SLC24A2: variants seen among roughly 807,000 people sequenced by gnomAD.
The protein encoded by SLC24A2 is solute carrier family 24 member 2, also known as sodium/potassium/calcium exchanger 2.
In SLC24A2, 36 loss-of-function variants were observed where a neutral mutation model predicts 62.0. The observed-to-expected ratio is 0.58, with a 90% confidence interval of 0.44 to 0.77. The LOEUF (loss-of-function observed/expected upper bound fraction) is 0.77, where lower values mean the gene tolerates loss of function less well. Ranked by LOEUF, SLC24A2 falls within the 30% of genes least tolerant of loss-of-function variation. The pLI, the probability that SLC24A2 is intolerant of heterozygous loss-of-function variation, is 0.00. For synonymous variants in SLC24A2, 358 were observed against 294.0 expected (o/e 1.22, Z -2.23); for missense variants, 846 against 817.9 (o/e 1.03, Z -0.42).
chr9:20,281,381 G>T, the SLC24A2 span, among the ~76,000 whole-genome samples: 1 of 152,090 alleles, frequency 6.6e-6, no homozygotes, highest in African/African-American at 2.4e-5. Context: ...GATAGAGCTT[G>T]ATACATTTTC....
At chr9:19,517,046 A>G (rs1332511149) in intron 10 of SLC24A2, among the ~76,000 whole-genome samples, 10 of 152,190 alleles carry the variant, frequency 6.6e-5, no homozygotes, top group Non-Finnish European at 1.0e-4. Flanking sequence ...TCTTAAAAAA[A>G]ACTTTATTAT....
the SLC24A2 span, among the ~76,000 whole-genome samples, chr9:19,813,466 C>T: frequency 6.6e-6 from 1 of 151,786 alleles, no homozygotes; most frequent in South Asian, 2.1e-4. Flanking sequence ...TACAGGCGCA[C>T]ACCACCATGT....
intron 8 of SLC24A2, among the ~76,000 whole-genome samples, chr9:19,529,751 GT>G (rs72029564): frequency 0.27 from 36,527 of 135,870 alleles, 4,857 homozygotes; most frequent in South Asian, 0.49. Context: ...GGAGACCTTC[GT>G]TTTTTTTTTT....
chr9:19,759,402 T>C (rs1418858804), intron 2 of SLC24A2, among the ~76,000 whole-genome samples: 1 of 152,228 alleles, frequency 6.6e-6, no homozygotes, highest in Non-Finnish European at 1.5e-5. Flanking sequence ...ATTAATATTC[T>C]GCACAGATTC....
the SLC24A2 span, among the ~76,000 whole-genome samples, chr9:20,051,659 T>C: frequency 9.7e-3 from 843 of 86,902 alleles, 14 homozygotes; most frequent in East Asian, 0.058. Flanking sequence ...TTCTTTCTCT[T>C]TTTTTTTTTT....
chr9:19,966,298 T>C, the SLC24A2 span, among the ~76,000 whole-genome samples: 2 of 152,192 alleles, frequency 1.3e-5, no homozygotes, highest in Admixed American at 6.5e-5. Flanking sequence ...TAATTAATAA[T>C]AGAGTTGGAA....
At chr9:19,976,240 G>C in the SLC24A2 span, among the ~76,000 whole-genome samples, 1 of 152,156 alleles carries the variant, frequency 6.6e-6, no homozygotes, top group Non-Finnish European at 1.5e-5. Context: ...TATTGTATTA[G>C]GTATTGATAT....
chr9:19,822,489 T>C, the SLC24A2 span, among the ~76,000 whole-genome samples: 1 of 152,182 alleles, frequency 6.6e-6, no homozygotes, highest in East Asian at 1.9e-4. Context: ...CGATGTCTCA[T>C]CTTTTCTTGA....
At chr9:20,035,256 G>C in the SLC24A2 span, among the ~76,000 whole-genome samples, 1 of 152,156 alleles carries the variant, frequency 6.6e-6, no homozygotes, top group Non-Finnish European at 1.5e-5. Context: ...AGTTTGGTAA[G>C]TTAAGTGGGG....
the SLC24A2 span, among the ~76,000 whole-genome samples, chr9:19,849,895 C>T: frequency 8.6e-5 from 13 of 151,874 alleles, no homozygotes; most frequent in African/African-American, 3.1e-4. Flanking sequence ...CTTTAATGGT[C>T]GTTGTGAAAT....
At chr9:19,878,387 A>G in the SLC24A2 span, among the ~76,000 whole-genome samples, 1 of 152,188 alleles carries the variant, frequency 6.6e-6, no homozygotes, top group Admixed American at 6.6e-5. Flanking sequence ...TAAAAAATTA[A>G]TCCTGCTTAT....
intron 5 of SLC24A2, among the ~76,000 whole-genome samples, chr9:19,585,091 G>A (rs1204447355): frequency 6.6e-6 from 1 of 152,056 alleles, no homozygotes; most frequent in Non-Finnish European, 1.5e-5. Context: ...AATGAAATGA[G>A]GCAGCGGAAT....
At chr9:20,125,057 C>G in the SLC24A2 span, among the ~76,000 whole-genome samples, 1 of 152,166 alleles carries the variant, frequency 6.6e-6, no homozygotes. Context: ...GTAAAGCCAA[C>G]TGCATAATCT....
chr9:19,870,638 G>A, the SLC24A2 span, among the ~76,000 whole-genome samples: 1 of 152,068 alleles, frequency 6.6e-6, no homozygotes, highest in Non-Finnish European at 1.5e-5. Context: ...AGTGTATGTG[G>A]ATTCTAGTTT....
At chr9:19,857,821 G>C in the SLC24A2 span, among the ~76,000 whole-genome samples, 1 of 151,206 alleles carries the variant, frequency 6.6e-6, no homozygotes, top group Non-Finnish European at 1.5e-5. Flanking sequence ...TATCATCTGT[G>C]GATAAAGAGT....
the SLC24A2 span, among the ~76,000 whole-genome samples, chr9:20,298,025 G>T: frequency 6.6e-6 from 1 of 152,166 alleles, no homozygotes; most frequent in Non-Finnish European, 1.5e-5. Flanking sequence ...AACTCCATAA[G>T]GAAGCAGCAC....
At chr9:19,628,088 A>C (rs778684324) in intron 2 of SLC24A2, among the ~76,000 whole-genome samples, 4 of 152,164 alleles carry the variant, frequency 2.6e-5, no homozygotes, top group Non-Finnish European at 5.9e-5. Flanking sequence ...AGCCTCCCTA[A>C]TACTGGAAGC....
At chr9:20,057,967 G>A in the SLC24A2 span, among the ~76,000 whole-genome samples, 2 of 152,066 alleles carry the variant, frequency 1.3e-5, no homozygotes, top group Non-Finnish European at 2.9e-5. Context: ...GGATTTTGTG[G>A]TCATCCTTCA....
At chr9:19,931,026 G>T in the SLC24A2 span, among the ~76,000 whole-genome samples, 2 of 152,146 alleles carry the variant, frequency 1.3e-5, no homozygotes, top group African/African-American at 4.8e-5. Flanking sequence ...AATAGTGATT[G>T]AAACCTCCAA....
Sources: gnomAD v4.1 joint callset for allele counts (sites outside exome capture counted in the v4.1 genomes callset) on GRCh38, gnomAD v4.1.1 for gene constraint, MANE v1.5 for transcripts, NCBI Gene and HGNC (gene_info 2026-07-23, HGNC 2026-07-21) for gene names.